STK4: variants seen among roughly 807,000 people sequenced by gnomAD.
STK4 encodes serine/threonine-protein kinase 4.
Under a neutral mutation model 64.9 loss-of-function variants are expected in STK4, and 30 were observed. The observed-to-expected ratio is 0.46, with a 90% CI of 0.35 to 0.63. The LOEUF is 0.63. STK4 is among the 20% of genes least tolerant of loss of function. The probability of loss-of-function intolerance (pLI) is 0.01; values close to 1 mark genes in which losing one functional copy is unlikely to be tolerated. For synonymous variants in STK4, 177 were observed against 199.0 expected, an observed-to-expected ratio of 0.89 and a Z score of 0.93; for missense variants, 466 against 598.5, an observed-to-expected ratio of 0.78 and a Z score of 2.31.
At position 45,041,499 on chromosome 20, in the gene STK4, G is replaced by A. The variant is rs547730450; in HGVS notation, c.1305+16369G>A. Reference sequence around the variant, plus strand: ...ATGCTTAGTATTCTGTTGTGAGGATGTATTGTAGTTTATTCAGCCAGTCCT... The same window carrying A: ...ATGCTTAGTATTCTGTTGTGAGGATATATTGTAGTTTATTCAGCCAGTCCT... On this transcript the variant is annotated intron_variant, in intron 10 of 10. Transcript: ENST00000372806. Among the ~76,000 whole-genome samples, 217 of 152,254 alleles carry A rather than the reference G, an allele frequency of 1.4e-3. 1 individual carries two copies. In the South Asian group the frequency reaches 0.019, roughly 13 times the overall value.
At chr20:45,032,978 A>G (rs1352413533) in intron 10 of STK4, among the ~76,000 whole-genome samples, 2 of 152,142 alleles carry the variant, frequency 1.3e-5, no homozygotes, top group Non-Finnish European at 2.9e-5. Flanking sequence ...CTGGTATGAG[A>G]TAGTATCTCA....
chr20:45,021,321 G>T (rs1354849956), intron 9 of STK4, among the ~76,000 whole-genome samples: 1 of 152,164 alleles, frequency 6.6e-6, no homozygotes, highest in African/African-American at 2.4e-5. Context: ...TGTTTACTGA[G>T]AATTATTATC....
chr20:44,987,396 G>A (rs1054631818), intron 5 of STK4, 100 bp downstream of exon 5: 43 of 1,182,008 alleles, frequency 3.6e-5, no homozygotes, highest in Admixed American at 1.2e-4. Context: ...TGACTTAATT[G>A]TATTAGTAAA....
At position 44,972,173 on chromosome 20, in the gene STK4, A is replaced by G; in HGVS notation, c.116+15A>G. On this transcript the variant is annotated intron_variant, in intron 2 of 10. Transcript: ENST00000372806. ...CTTGGAGAAGGGTGAGTGTAAAGAA[A>G]CTATAGGTAGGTCATTGGGTCCCAG... 1 of 1,608,842 alleles carries G rather than the reference A, an allele frequency of 6.2e-7. No homozygotes were observed. The highest frequency in any genetic ancestry group is 2.2e-5 in the East Asian group (1 of 44,798).
At chr20:45,032,606 T>C (rs2068463693) in intron 10 of STK4, among the ~76,000 whole-genome samples, 2 of 152,230 alleles carry the variant, frequency 1.3e-5, no homozygotes, top group Admixed American at 1.3e-4. Flanking sequence ...GTGATCTTGC[T>C]CGTTTCTGTG....
chr20:44,998,459 A>C (rs751205825), intron 7 of STK4, among the ~76,000 whole-genome samples: 2 of 152,210 alleles, frequency 1.3e-5, no homozygotes, highest in African/African-American at 2.4e-5. Flanking sequence ...GATAAATATT[A>C]GCTATTATAA....
chr20:44,968,028 T>C (rs1327410833), intron 1 of STK4, among the ~76,000 whole-genome samples: 1 of 152,182 alleles, frequency 6.6e-6, no homozygotes, highest in Non-Finnish European at 1.5e-5. Flanking sequence ...ATGTCTGTTT[T>C]ACAGATGATA....
chr20:45,073,796 G>T (rs768028728), intron 10 of STK4, among the ~76,000 whole-genome samples: 7 of 152,100 alleles, frequency 4.6e-5, no homozygotes, highest in Non-Finnish European at 8.8e-5. Context: ...TGTATCCCTG[G>T]GCTTTTATGA....
intron 5 of STK4, among the ~76,000 whole-genome samples, chr20:44,993,221 G>A (rs551687285): frequency 4.4e-4 from 65 of 146,428 alleles, no homozygotes; most frequent in Middle Eastern, 3.6e-3. Context: ...TATATAACAG[G>A]TTATTATATA....
At chr20:45,038,530 C>T (rs1166421958) in intron 10 of STK4, among the ~76,000 whole-genome samples, 2 of 152,148 alleles carry the variant, frequency 1.3e-5, no homozygotes, top group East Asian at 3.9e-4. Flanking sequence ...TACCCCTGCT[C>T]GTGTACTCTG....
At chr20:45,027,168 C>G (rs377314060) in intron 10 of STK4, among the ~76,000 whole-genome samples, 1 of 152,126 alleles carries the variant, frequency 6.6e-6, no homozygotes, top group African/African-American at 2.4e-5. Flanking sequence ...GTGGCTCACG[C>G]CTGTAATCCC....
intron 10 of STK4, among the ~76,000 whole-genome samples, chr20:45,062,511 C>T (rs1273140744): frequency 6.6e-6 from 1 of 152,228 alleles, no homozygotes; most frequent in Non-Finnish European, 1.5e-5. Flanking sequence ...ACGCTGCTTT[C>T]TGCAATAGCT....
At position 45,075,229 on chromosome 20, in the gene STK4, G is replaced by C. The variant is rs1980421843; in HGVS notation, c.*53G>C. On this transcript the variant is annotated 3_prime_UTR_variant, in exon 11 of 11. Coordinates refer to ENST00000372806, the MANE Select transcript of STK4 (RefSeq NM_006282.5). ...TCCACCCAGGCTTTGGGTGAATTCTGGATGGCTTGCCTCATGTTTGTTAGC... is the reference window on the plus strand; with the variant it reads ...TCCACCCAGGCTTTGGGTGAATTCTCGATGGCTTGCCTCATGTTTGTTAGC... 2.5e-6 allele frequency: 4 copies of C among 1,590,384 alleles called. No homozygotes were observed. The highest frequency in any genetic ancestry group is 1.7e-4 in the Middle Eastern group (1 of 6,020).
Position 44,978,428 on chromosome 20 carries a change from C to T in STK4, c.117-15C>T. On this transcript the variant is annotated splice_polypyrimidine_tract_variant and intron_variant, in intron 2 of 10. Transcript: ENST00000372806. ...CTTTGACTTTATAAATGTTCTTCTTCTCCCAAATGTATAGGTCCTATGGCA... is the reference window on the plus strand; with the variant it reads ...CTTTGACTTTATAAATGTTCTTCTTTTCCCAAATGTATAGGTCCTATGGCA... 1 of 1,598,750 alleles carries T rather than the reference C, an allele frequency of 6.3e-7. No individual in the cohort carries two copies. The highest frequency in any genetic ancestry group is 8.5e-7 in the Non-Finnish European group (1 of 1,174,948).
At chr20:45,052,317 C>A (rs539326536) in intron 10 of STK4, among the ~76,000 whole-genome samples, 20 of 152,164 alleles carry the variant, frequency 1.3e-4, no homozygotes, top group South Asian at 6.2e-4. Context: ...ACATTTCCTT[C>A]CAGTTTTTTA....
Position 44,995,148 on chromosome 20 carries a change from T to G in STK4, c.584T>G (p.Val195Gly). Residue 195 changes from valine (V) to glycine (G), a missense_variant, in exon 6 of 11, where the codon GTG (valine) becomes GGG (glycine). Val to Gly is a moderately radical substitution (Grantham distance 109). Transcript: ENST00000372806. ...ACACCATTTTGGATGGCTCCAGAAG[T>G]GATTCAGGAAATTGGATACAACTGT... ...IGTPFWMAPEVIQEIGYNCVA... is the reference protein window; with the variant it reads ...IGTPFWMAPEGIQEIGYNCVA... 6.2e-7 allele frequency: 1 copy of G among 1,613,912 alleles called. No homozygotes were observed. The highest frequency in any genetic ancestry group is 8.5e-7 in the Non-Finnish European group (1 of 1,179,918).
chr20:45,045,902 G>A (rs1024354901), intron 10 of STK4, among the ~76,000 whole-genome samples: 7 of 151,872 alleles, frequency 4.6e-5, no homozygotes, highest in African/African-American at 1.7e-4. Context: ...TGCCTCCCGG[G>A]TTCAAATGAT....
chr20:44,989,305 G>A (rs1399462561), intron 5 of STK4, among the ~76,000 whole-genome samples: 1 of 152,104 alleles, frequency 6.6e-6, no homozygotes, highest in Non-Finnish European at 1.5e-5. Context: ...AACCATCCTA[G>A]TGAGTATGAG....
rs145430103 is a variant in STK4 at position 44,968,424 on chromosome 20, A to T, written c.35+1821A>T. Among the ~76,000 whole-genome samples, 6 of 152,290 alleles carry T rather than the reference A, an allele frequency of 3.9e-5. No individual in the cohort carries two copies. The East Asian group carries it at 1.2e-3, about 29-fold the overall frequency. ...AGTGGTGGGATTACAGGCGTGAGCC[A>T]CCGGGCCCGGCCATGCTCTTAACTG... On this transcript the variant is annotated intron_variant, in intron 1 of 10. Transcript: ENST00000372806.
Sources: allele counts gnomAD v4.1 joint callset (sites outside exome capture counted in the v4.1 genomes callset), GRCh38; gene constraint gnomAD v4.1.1; transcripts MANE v1.5; gene names NCBI Gene and HGNC (gene_info 2026-07-23, HGNC 2026-07-21).